Variants in GALNT13 observed in about 807,000 individuals in gnomAD.
The protein encoded by GALNT13 is polypeptide N-acetylgalactosaminyltransferase 13.
Under a neutral mutation model 64.2 loss-of-function variants are expected in GALNT13, and 28 were observed. The ratio of observed to expected loss-of-function variants is 0.44; its 90% CI spans 0.32 to 0.60. The LOEUF is 0.60. Ranked by LOEUF, GALNT13 falls within the 20% of genes least tolerant of loss-of-function variation. The pLI, the probability that GALNT13 is intolerant of heterozygous loss-of-function variation, is 0.05. For synonymous variants in GALNT13, 214 were observed against 224.6 expected, an observed-to-expected ratio of 0.95 and a Z score of 0.42; for missense variants, 577 against 669.8, an observed-to-expected ratio of 0.86 and a Z score of 1.53.
chr2:153,294,126 CTT>C, the GALNT13 span, among the ~76,000 whole-genome samples: 34,881 of 152,012 alleles, frequency 0.23, 4,871 homozygotes, highest in Non-Finnish European at 0.32. Context: ...CCTGGCCTAT[CTT>C]TTCTTTTTTA....
At chr2:153,803,015 C>G in the GALNT13 span, among the ~76,000 whole-genome samples, 1 of 152,178 alleles carries the variant, frequency 6.6e-6, no homozygotes, top group Admixed American at 6.5e-5. Flanking sequence ...GTGCCCTTAA[C>G]AAGAACACAA....
chr2:153,635,264 A>T, the GALNT13 span, among the ~76,000 whole-genome samples: 1 of 151,846 alleles, frequency 6.6e-6, no homozygotes, highest in Non-Finnish European at 1.5e-5. Flanking sequence ...GGCAATCATA[A>T]AAGATAGTAC....
chr2:153,800,045 GCTCTCTCTCTCTCTCTCTCTCTCT>G, the GALNT13 span, among the ~76,000 whole-genome samples: 14 of 119,028 alleles, frequency 1.2e-4, no homozygotes, highest in Middle Eastern at 9.7e-3. Flanking sequence ...CATTTAGTTT[GCTCTCTCTCTCTCTCTCTCTCTCT>G]CTCTCTCTCT....
At chr2:153,961,802 G>A (rs1042278026) in intron 3 of GALNT13, among the ~76,000 whole-genome samples, 2 of 152,232 alleles carry the variant, frequency 1.3e-5, no homozygotes, top group Admixed American at 6.5e-5. Context: ...AATAAAATGG[G>A]AATGGACAGA....
chr2:153,303,495 C>G, the GALNT13 span, among the ~76,000 whole-genome samples: 1 of 152,120 alleles, frequency 6.6e-6, no homozygotes, highest in Non-Finnish European at 1.5e-5. Flanking sequence ...AGCATATTGT[C>G]TGCAAACAGA....
Position 154,096,857 on chromosome 2 carries a change from A to C in GALNT13, c.143-43480A>C, listed in dbSNP as rs144162324. On this transcript the variant is annotated intron_variant, in intron 3 of 12. Transcript: ENST00000392825. The stretch of plus-strand genomic sequence containing the variant: ...TATTAATGATAAAGATGAAGTTGGA[A>C]GATACAGCTTATTAAGAGGGCAAAA... 2.7e-3 allele frequency among the ~76,000 whole-genome samples: 412 copies of C among 152,190 alleles called. 7 individuals are homozygous for C. The highest frequency in any genetic ancestry group is 9.4e-3 in the African/African-American group (392 of 41,560).
At chr2:153,248,408 A>G in the GALNT13 span, among the ~76,000 whole-genome samples, 1 of 152,196 alleles carries the variant, frequency 6.6e-6, no homozygotes, top group Non-Finnish European at 1.5e-5. Flanking sequence ...CTGGTTCAAC[A>G]TACACAAATT....
chr2:154,030,681 C>T (rs1698278249), intron 3 of GALNT13, among the ~76,000 whole-genome samples: 1 of 151,970 alleles, frequency 6.6e-6, no homozygotes, highest in African/African-American at 2.4e-5. Context: ...CAGATTTCCC[C>T]CTTGCTGTTC....
chr2:153,504,018 T>C, the GALNT13 span, among the ~76,000 whole-genome samples: 969 of 152,324 alleles, frequency 6.4e-3, 7 homozygotes, highest in African/African-American at 0.022. Flanking sequence ...TCCACAAGCA[T>C]GGGATGTGTT....
At chr2:154,440,042 C>T (rs1010424355) in intron 12 of GALNT13, among the ~76,000 whole-genome samples, 1 of 152,122 alleles carries the variant, frequency 6.6e-6, no homozygotes, top group Admixed American at 6.6e-5. Context: ...GTAAATCCTT[C>T]ATCAGTACTC....
chr2:153,852,078 G>A, the GALNT13 span, among the ~76,000 whole-genome samples: 2 of 151,910 alleles, frequency 1.3e-5, no homozygotes, highest in Admixed American at 6.6e-5. Flanking sequence ...GAGAAAAAAT[G>A]GAGGCATAAA....
chr2:154,268,290 T>C (rs183524326), intron 8 of GALNT13, among the ~76,000 whole-genome samples: 2 of 152,324 alleles, frequency 1.3e-5, no homozygotes, highest in East Asian at 1.9e-4. Flanking sequence ...GTAATAATTA[T>C]GCTGAATGAA....
At chr2:154,265,133 A>G (rs1690921099) in intron 8 of GALNT13, among the ~76,000 whole-genome samples, 1 of 152,004 alleles carries the variant, frequency 6.6e-6, no homozygotes, top group Non-Finnish European at 1.5e-5. Flanking sequence ...TGTATTCTAC[A>G]GATGGCTAAA....
chr2:153,829,066 C>T, the GALNT13 span, among the ~76,000 whole-genome samples: 1 of 152,144 alleles, frequency 6.6e-6, no homozygotes, highest in Admixed American at 6.5e-5. Flanking sequence ...ATTTCATTGT[C>T]CATATCATTA....
intron 2 of GALNT13, among the ~76,000 whole-genome samples, chr2:153,914,337 T>C (rs1219098815): frequency 1.3e-5 from 2 of 152,044 alleles, no homozygotes; most frequent in Non-Finnish European, 2.9e-5. Flanking sequence ...TACAAAAAAC[T>C]AGTCGAGTGT....
the GALNT13 span, among the ~76,000 whole-genome samples, chr2:153,457,231 G>C: frequency 6.6e-6 from 1 of 152,170 alleles, no homozygotes; most frequent in Non-Finnish European, 1.5e-5. Flanking sequence ...GTTTTATGTG[G>C]AGGTAATTTT....
intron 9 of GALNT13, among the ~76,000 whole-genome samples, chr2:154,320,123 G>A (rs567779733): frequency 6.6e-6 from 1 of 152,144 alleles, no homozygotes; most frequent in Non-Finnish European, 1.5e-5. Context: ...ATTTTTAAGG[G>A]TAGCTATTTA....
At chr2:153,755,382 A>G in the GALNT13 span, among the ~76,000 whole-genome samples, 5 of 151,966 alleles carry the variant, frequency 3.3e-5, no homozygotes, top group African/African-American at 4.8e-5. Context: ...TGAGTAATCA[A>G]TTTCCCATTT....
At chr2:154,338,558 AGG>A in intron 9 of GALNT13, among the ~76,000 whole-genome samples, 1 of 152,252 alleles carries the variant, frequency 6.6e-6, no homozygotes, top group East Asian at 1.9e-4. Context: ...CACACCATGC[AGG>A]GCCACATGAG....
Sources: allele counts gnomAD v4.1 joint callset (sites outside exome capture counted in the v4.1 genomes callset), GRCh38; gene constraint gnomAD v4.1.1; transcripts MANE v1.5; gene names NCBI Gene and HGNC (gene_info 2026-07-23, HGNC 2026-07-21).